Variants in RNF135 observed in about 807,000 individuals in gnomAD.
The protein encoded by RNF135 is E3 ubiquitin-protein ligase RNF135.
RNF135 carries 46 observed loss-of-function variants against 41.9 expected under a neutral mutation model. That is an observed-to-expected ratio of 1.10 (90% confidence interval 0.87 to 1.40). RNF135 has a LOEUF of 1.40. RNF135 is among the 40% of genes most tolerant of loss of function. The pLI, the probability that RNF135 is intolerant of heterozygous loss-of-function variation, is 0.00. For missense variants in RNF135, 539 were observed against 549.8 expected, an observed-to-expected ratio of 0.98 and a Z score of 0.20; for synonymous variants, 238 against 223.8, an observed-to-expected ratio of 1.06 and a Z score of -0.57.
intron 3 of RNF135, among the ~76,000 whole-genome samples, chr17:30,995,452 A>G (rs991091936): frequency 6.6e-6 from 1 of 151,568 alleles, no homozygotes; most frequent in Admixed American, 6.6e-5. Context: ...CTGGTCTGGA[A>G]CTCCTCCTGG....
chr17:30,990,431 G>C (rs777983401), intron 3 of RNF135, among the ~76,000 whole-genome samples: 21 of 152,118 alleles, frequency 1.4e-4, no homozygotes, highest in Non-Finnish European at 2.6e-4. Context: ...GGCTTAGGCA[G>C]GAAAATTGCT....
Position 30,971,181 on chromosome 17 carries a change from C to T in RNF135, c.108C>T (p.Cys36=), listed in dbSNP as rs1905878083. The part of the protein sequence containing the change: ...GLLDWPATLP[C]GHSFCRHCLE... ...TGGACTGGCCCGCCACGCTGCCCTG[C>T]GGCCACAGCTTCTGCCGCCACTGCC... The change falls in exon 1 of 5, where the codon TGC becomes TGT. Residue 36 remains cysteine (C), a synonymous_variant. Coordinates refer to ENST00000328381, the MANE Select transcript of RNF135 (RefSeq NM_032322.4). 1 of 1,526,804 alleles carries T rather than the reference C, an allele frequency of 6.5e-7. No individual in the cohort carries two copies. 94.6% of individuals were successfully genotyped at this position (1,526,804 alleles called of 1,614,324 possible). A position where few individuals can be genotyped will look rare whatever the true frequency, so the allele number is the denominator to read the frequency against.
At chr17:30,982,517 T>A (rs1907228918) in intron 1 of RNF135, among the ~76,000 whole-genome samples, 1 of 152,212 alleles carries the variant, frequency 6.6e-6, no homozygotes, top group Non-Finnish European at 1.5e-5. Context: ...AATTCAAGAC[T>A]GTTTCTCCTA....
chr17:30,993,121 C>T (rs776048381), intron 3 of RNF135, among the ~76,000 whole-genome samples: 2 of 150,992 alleles, frequency 1.3e-5, no homozygotes, highest in Non-Finnish European at 1.5e-5. Flanking sequence ...AGTGCAGTGG[C>T]GCGATCTCGG....
chr17:30,966,412 TTATTTTTTTA>T (rs1905553162), upstream of RNF135, among the ~76,000 whole-genome samples: 1 of 130,432 alleles, frequency 7.7e-6, no homozygotes, highest in African/African-American at 4.4e-5. Context: ...TTATTTTATT[TTATTTTTTTA>T]TTTATTTTTA....
chr17:30,991,550 G>A (rs1907992568), intron 3 of RNF135, among the ~76,000 whole-genome samples: 1 of 151,444 alleles, frequency 6.6e-6, no homozygotes, highest in African/African-American at 2.4e-5. Flanking sequence ...CTGAGTAGTT[G>A]GGATTACAGG....
At chr17:30,984,117 G>T (rs1689982970) in intron 1 of RNF135, among the ~76,000 whole-genome samples, 1 of 152,164 alleles carries the variant, frequency 6.6e-6, no homozygotes, top group Admixed American at 6.5e-5. Flanking sequence ...TTACTCTATT[G>T]TTCGTGTCTT....
intron 1 of RNF135, chr17:30,975,740 C>A: frequency 7.6e-7 from 1 of 1,320,038 alleles, no homozygotes. Flanking sequence ...CCTGATTGGC[C>A]TGGTGTACAT....
At chr17:30,982,891 G>A (rs935086298) in intron 1 of RNF135, among the ~76,000 whole-genome samples, 3 of 152,078 alleles carry the variant, frequency 2.0e-5, no homozygotes, top group Non-Finnish European at 4.4e-5. Context: ...CGCAAAAGTG[G>A]AATTCTAGGA....
chr17:30,981,539 C>T (rs906666343), intron 1 of RNF135, among the ~76,000 whole-genome samples: 3 of 152,166 alleles, frequency 2.0e-5, no homozygotes, highest in Non-Finnish European at 2.9e-5. Flanking sequence ...TCTGTTTCTC[C>T]TGAATTGGCT....
At position 30,998,700 on chromosome 17, in the gene RNF135, T is replaced by G; in HGVS notation, c.808T>G (p.Cys270Gly). 6.2e-7 allele frequency: 1 copy of G among 1,614,088 alleles called. No individual in the cohort carries two copies. The highest frequency in any genetic ancestry group is 8.5e-7 in the Non-Finnish European group (1 of 1,180,008). Residue 270 changes from cysteine (C) to glycine (G), a missense_variant, in exon 5 of 5, where the codon TGC becomes GGC. By Grantham distance (159) the Cys-to-Gly change is radical. Around this residue, in one of 2 missense-constraint regions of RNF135, gnomAD observed 262 missense variants for 336.9 expected, o/e 0.78. Transcript: ENST00000328381. Reference sequence around the variant, plus strand: ...AACCTTTAACTTGAAGAGCCTTTCCTGCAGCCTGGAGGTGTCCAAGGATTC... The same window carrying G: ...AACCTTTAACTTGAAGAGCCTTTCCGGCAGCCTGGAGGTGTCCAAGGATTC... Reference protein sequence around the residue: ...HPTFNLKSLSCSLEVSKDSRT... With the variant: ...HPTFNLKSLSGSLEVSKDSRT...
At position 30,983,353 on chromosome 17, in the gene RNF135, A is replaced by ATT. The variant is rs1192298651; in HGVS notation, c.373-1247_373-1246dup. Among the ~76,000 whole-genome samples the ATT allele has an allele frequency of 1.8e-3, 64 of 35,718 alleles. 6 individuals carry two copies. The highest frequency in any genetic ancestry group is 2.9e-3 in the Non-Finnish European group (54 of 18,656). 23.4% of individuals were successfully genotyped at this position (35,718 alleles called of 152,430 possible). A position where few individuals can be genotyped will look rare whatever the true frequency, so the allele number is the denominator to read the frequency against. On this transcript the variant is annotated intron_variant, in intron 1 of 4. Coordinates refer to ENST00000328381, the MANE Select transcript of RNF135 (RefSeq NM_032322.4). Reference sequence around the variant, plus strand: ...TATATATATATATATATATATATATATTTTTTTTTTTTTTTTTTGAGATGG... The same window carrying ATT: ...TATATATATATATATATATATATATATTTTTTTTTTTTTTTTTTTTGAGATGG...
intron 1 of RNF135, among the ~76,000 whole-genome samples, chr17:30,979,468 G>T (rs1197983263): frequency 1.8e-5 from 2 of 110,178 alleles, no homozygotes; most frequent in Non-Finnish European, 3.8e-5. Flanking sequence ...CCTCCCGGAC[G>T]GGGCGGCCGG....
chr17:30,983,520 A>G (rs1293657919), intron 1 of RNF135, among the ~76,000 whole-genome samples: 1 of 150,348 alleles, frequency 6.7e-6, no homozygotes, highest in African/African-American at 2.4e-5. Context: ...CACCTGGTGA[A>G]TTTTTGTATT....
the RNF135 span, among the ~76,000 whole-genome samples, chr17:30,965,949 T>C: frequency 3.3e-5 from 5 of 152,324 alleles, no homozygotes; most frequent in African/African-American, 1.2e-4. Context: ...TCTACAATAG[T>C]GATGTTATCT....
chr17:30,975,860 A>G (rs1180557062), intron 1 of RNF135: 30 of 806,842 alleles, frequency 3.7e-5, no homozygotes, highest in Non-Finnish European at 5.4e-5. Flanking sequence ...CCAAGCTCCT[A>G]ACGTATATGG....
intron 3 of RNF135, among the ~76,000 whole-genome samples, chr17:30,995,706 G>A (rs902972506): frequency 6.6e-6 from 1 of 151,918 alleles, no homozygotes; most frequent in Non-Finnish European, 1.5e-5. Context: ...ATTTCACTTA[G>A]CATAATGTCC....
chr17:30,978,037 C>T (rs1906622080), intron 1 of RNF135, among the ~76,000 whole-genome samples: 1 of 152,182 alleles, frequency 6.6e-6, no homozygotes, highest in Admixed American at 6.5e-5. Context: ...TTTCCTTCAG[C>T]ACTTTACATA....
Position 30,984,680 on chromosome 17 carries a change from G to T in RNF135, c.436G>T (p.Val146Leu), listed in dbSNP as rs1424489559. ...GCTGACAGAGCTGGTGGAACATCTT[G>T]TAGACATTGTCAGAAGCCTGCAGAA... ...QELTELVEHL[V>L]DIVRSLQNQR... The change falls in exon 2 of 5, where the codon GTA becomes TTA. Residue 146 changes from valine (V) to leucine (L), a missense_variant. Val to Leu is a conservative substitution (Grantham distance 32). Transcript: ENST00000328381. 13 of 1,614,142 alleles carry T rather than the reference G, an allele frequency of 8.1e-6. No individual in the cohort carries two copies. The highest frequency in any genetic ancestry group is 1.3e-5 in the African/African-American group (1 of 75,028).
Sources: allele counts gnomAD v4.1 joint callset (sites outside exome capture counted in the v4.1 genomes callset), GRCh38; gene constraint gnomAD v4.1.1; regional missense constraint gnomAD v4.1.1; transcripts MANE v1.5; gene names NCBI Gene and HGNC (gene_info 2026-07-23, HGNC 2026-07-21).